The following SUB1 variants were observed in gnomAD, a reference collection of about 807,000 sequenced individuals.
SUB1 encodes activated RNA polymerase II transcriptional coactivator p15.
A neutral mutation model predicts 16.9 loss-of-function variants in SUB1; 1 was observed. That is an observed-to-expected ratio of 0.06 (90% confidence interval 0.02 to 0.28). The LOEUF (loss-of-function observed/expected upper bound fraction) is 0.28, where lower values mean the gene tolerates loss of function less well. Among genes scored for constraint, SUB1 ranks in the 10% least tolerant of loss-of-function variants. The pLI is 1.00. For synonymous variants in SUB1, 51 were observed against 46.9 expected (o/e 1.09, Z -0.36); for missense variants, 84 against 145.2 (o/e 0.58, Z 2.16).
chr5:32,595,852 T>C (rs1207412394), intron 3 of SUB1: 1 of 152,218 alleles, frequency 6.6e-6, no homozygotes, highest in East Asian at 1.9e-4. Flanking sequence ...TTACATTGAA[T>C]GTATAATGGT....
chr5:32,590,929 G>C (rs2111661171), intron 2 of SUB1, among the ~76,000 whole-genome samples: 1 of 151,838 alleles, frequency 6.6e-6, no homozygotes, highest in East Asian at 1.9e-4. Context: ...ACCACGCCTG[G>C]CTAACTTTTT....
intron 3 of SUB1, among the ~76,000 whole-genome samples, chr5:32,593,614 A>G (rs1429925081): frequency 6.6e-6 from 1 of 152,178 alleles, no homozygotes; most frequent in Non-Finnish European, 1.5e-5. Flanking sequence ...TTAAACCCTC[A>G]TCTGGAAAGA....
At chr5:32,599,553 A>C (rs756887345) in intron 4 of SUB1, among the ~76,000 whole-genome samples, 2 of 152,210 alleles carry the variant, frequency 1.3e-5, no homozygotes, top group Non-Finnish European at 2.9e-5. Flanking sequence ...ATAATTCACC[A>C]AACAGCTAGA....
At position 32,603,985 on chromosome 5, in the gene SUB1, G is replaced by A. The variant is rs1240385261; in HGVS notation, c.*2901G>A. 1 of 151,888 alleles carries A rather than the reference G, an allele frequency of 6.6e-6. No homozygotes were observed. Among genetic ancestry groups the A allele is most frequent in the Admixed American group, 6.6e-5 (1 of 15,230 alleles). 9.4% of individuals were successfully genotyped at this position (151,888 alleles called of 1,614,324 possible). ...GTAATTCTGTAATTGTGGAATGCTT[G>A]TATGCTTTGTTTTCGTACATCTTCC... On this transcript the variant is annotated 3_prime_UTR_variant, in exon 5 of 5. Transcript: ENST00000265073.
At chr5:32,595,880 C>G (rs1483188800) in intron 3 of SUB1, 1 of 152,050 alleles carries the variant, frequency 6.6e-6, no homozygotes, top group African/African-American at 2.4e-5. Context: ...GGTGGTTTTA[C>G]TTTCCATTTC....
rs200414032 is a variant in SUB1 at position 32,588,476 on chromosome 5, C to T, written c.-1-36C>T. The T allele has an allele frequency of 2.0e-5, 31 of 1,578,706 alleles. 1 individual carries two copies. Among genetic ancestry groups the T allele is most frequent in the Admixed American group, 1.2e-4 (7 of 58,766 alleles). ...AGCTAAGTTGAAAGTAGTAGAGTAC[C>T]TTATTAATTATTTTTGTAATGTATT... On this transcript the variant is annotated intron_variant, in intron 1 of 4. Coordinates refer to ENST00000265073, the MANE Select transcript of SUB1 (RefSeq NM_006713.4).
At chr5:32,593,419 G>T (rs992991433) in intron 3 of SUB1, among the ~76,000 whole-genome samples, 7 of 149,998 alleles carry the variant, frequency 4.7e-5, no homozygotes, top group African/African-American at 1.7e-4. Flanking sequence ...GAAAATTTAA[G>T]TTTTTTTTTT....
intron 1 of SUB1, 73 bp downstream of exon 1, chr5:32,585,698 G>C (rs1454093093): frequency 6.6e-5 from 10 of 152,282 alleles, no homozygotes; most frequent in Admixed American, 6.5e-4. Context: ...AGCTGCCTTC[G>C]GCCCTCCACT....
chr5:32,589,052 C>T (rs114005807), intron 2 of SUB1, among the ~76,000 whole-genome samples: 3,591 of 151,702 alleles, frequency 0.024, 156 homozygotes, highest in African/African-American at 0.083. Flanking sequence ...CACTATTTGC[C>T]GTTATTTAGA....
chr5:32,601,503 ATCAAATG>A lies in SUB1; in HGVS notation c.*422_*428del, dbSNP rs1384058450. ...TTCATATTTGATCTTTTCTCTTCCAATCAAATGTCTAGGCTTGTTTGACTTCCACCCC... is the reference window on the plus strand; with the variant it reads ...TTCATATTTGATCTTTTCTCTTCCAATCTAGGCTTGTTTGACTTCCACCCC... On this transcript the variant is annotated 3_prime_UTR_variant, in exon 5 of 5. Coordinates refer to ENST00000265073, the MANE Select transcript of SUB1 (RefSeq NM_006713.4). 3 of 156,436 alleles carry A rather than the reference ATCAAATG, an allele frequency of 1.9e-5. No individual in the cohort carries two copies. The highest frequency in any genetic ancestry group is 7.2e-5 in the African/African-American group (3 of 41,464). 9.7% of individuals were successfully genotyped at this position (156,436 alleles called of 1,614,324 possible).
chr5:32,591,058 C>T (rs1317758576), intron 2 of SUB1, among the ~76,000 whole-genome samples: 4 of 152,018 alleles, frequency 2.6e-5, no homozygotes, highest in South Asian at 2.1e-4. Flanking sequence ...TGTGAGCTAC[C>T]GCGCCCGGCC....
intron 1 of SUB1, among the ~76,000 whole-genome samples, chr5:32,587,191 TC>T (rs1435600244): frequency 6.6e-6 from 1 of 152,154 alleles, no homozygotes. Context: ...TTGCATAAAT[TC>T]AAAAAATTGC....
chr5:32,586,777 C>A (rs2111648797), intron 1 of SUB1, among the ~76,000 whole-genome samples: 1 of 152,284 alleles, frequency 6.6e-6, no homozygotes, highest in South Asian at 2.1e-4. Flanking sequence ...CAAAATGGAG[C>A]AGAAACAGGA....
At chr5:32,588,377 A>T in intron 1 of SUB1, 135 bp from the exon 2 acceptor site, 1 of 735,008 alleles carries the variant, frequency 1.4e-6, no homozygotes, top group Non-Finnish European at 2.2e-6. Flanking sequence ...TGCTCAGTGT[A>T]ACAACTCAGT....
chr5:32,603,777 AATACT>A lies in SUB1; in HGVS notation c.*2697_*2701del, dbSNP rs1294646900. 1 of 152,218 alleles carries A rather than the reference AATACT, an allele frequency of 6.6e-6. No homozygotes were observed. The highest frequency in any genetic ancestry group is 1.5e-5 in the Non-Finnish European group (1 of 68,018). The allele number at this position is 152,218 out of a possible 1,614,324, so 9.4% of individuals were successfully genotyped here. A position where few individuals can be genotyped will look rare whatever the true frequency, so the allele number is the denominator to read the frequency against. On this transcript the variant is annotated 3_prime_UTR_variant, in exon 5 of 5. Transcript: ENST00000265073. ...TTCCTCACAGGAGATATGTTAGCAG[AATACT>A]ATAAAAGTTTGAAATTTTTAAAAAG...
intron 2 of SUB1, 87 bp downstream of exon 2, chr5:32,588,671 C>T: frequency 1.5e-6 from 2 of 1,350,854 alleles, no homozygotes; most frequent in Admixed American, 2.3e-5. Context: ...GGTGTATTAA[C>T]ATCTTAAAAT....
At chr5:32,599,204 GTT>G in intron 4 of SUB1, 135 bp downstream of exon 4, 2 of 655,060 alleles carry the variant, frequency 3.1e-6, no homozygotes, top group South Asian at 1.9e-5. Context: ...ATCTTCTGTA[GTT>G]ATTTTGGACA....
intron 3 of SUB1, chr5:32,596,467 C>T (rs898246014): frequency 1.3e-5 from 2 of 152,174 alleles, no homozygotes; most frequent in Non-Finnish European, 2.9e-5. Context: ...TTTTGCCTAC[C>T]ATGGCCACAA....
At chr5:32,588,799 C>G (rs1738740775) in intron 2 of SUB1, among the ~76,000 whole-genome samples, 1 of 151,998 alleles carries the variant, frequency 6.6e-6, no homozygotes, top group African/African-American at 2.4e-5. Context: ...TAGCAAGAAC[C>G]TGTCTCTTTA....
Sources: gnomAD v4.1 joint callset for allele counts (sites outside exome capture counted in the v4.1 genomes callset) on GRCh38, gnomAD v4.1.1 for gene constraint, MANE v1.5 for transcripts, NCBI Gene and HGNC (gene_info 2026-07-23, HGNC 2026-07-21) for gene names.